The following FHIT variants were observed in gnomAD, a reference collection of about 807,000 sequenced individuals.
FHIT encodes bis(5'-adenosyl)-triphosphatase.
A neutral mutation model predicts 17.9 loss-of-function variants in FHIT; 19 were observed. That is an observed-to-expected ratio of 1.06 (90% confidence interval 0.74 to 1.56). FHIT has a LOEUF of 1.56. Ranked by LOEUF, FHIT falls within the 40% of genes most tolerant of loss-of-function variation. The pLI is 0.00. For synonymous variants in FHIT, 81 were observed against 69.7 expected, an observed-to-expected ratio of 1.16 and a Z score of -0.81; for missense variants, 248 against 189.2, an observed-to-expected ratio of 1.31 and a Z score of -1.82.
chr3:60,298,107 A>G (rs573732147), intron 5 of FHIT, among the ~76,000 whole-genome samples: 1 of 152,164 alleles, frequency 6.6e-6, no homozygotes, highest in Admixed American at 6.5e-5. Context: ...TGCCCTCTCT[A>G]CGAGCACCAC....
chr3:61,232,408 A>G (rs1293768486), intron 1 of FHIT, among the ~76,000 whole-genome samples: 2 of 152,160 alleles, frequency 1.3e-5, no homozygotes, highest in African/African-American at 4.8e-5. Context: ...GAAAAAACGT[A>G]TTCCATAAAC....
At chr3:60,258,852 G>A (rs906474722) in intron 5 of FHIT, among the ~76,000 whole-genome samples, 2 of 152,052 alleles carry the variant, frequency 1.3e-5, no homozygotes, top group African/African-American at 2.4e-5. Context: ...AGGCCTGTTT[G>A]CTAAATCTTC....
intron 5 of FHIT, among the ~76,000 whole-genome samples, chr3:60,136,734 C>G (rs1023974441): frequency 6.6e-6 from 1 of 152,128 alleles, no homozygotes; most frequent in African/African-American, 2.4e-5. Context: ...CATCAGCCCA[C>G]GAAATGAGTT....
chr3:61,214,811 G>A (rs2039618019), intron 1 of FHIT, among the ~76,000 whole-genome samples: 1 of 152,174 alleles, frequency 6.6e-6, no homozygotes, highest in Admixed American at 6.5e-5. Flanking sequence ...TATCCACCAT[G>A]ATCAAGTGGG....
At chr3:60,149,922 G>A (rs1414523591) in intron 5 of FHIT, among the ~76,000 whole-genome samples, 3 of 150,722 alleles carry the variant, frequency 2.0e-5, no homozygotes, top group East Asian at 2.0e-4. Context: ...AATGTCTTCT[G>A]CTGGAGCTTC....
intron 5 of FHIT, among the ~76,000 whole-genome samples, chr3:60,271,340 T>G (rs1576399502): frequency 6.6e-6 from 1 of 151,990 alleles, no homozygotes; most frequent in South Asian, 2.1e-4. Context: ...GAGGCAGAGG[T>G]TGCAGTGAGC....
chr3:60,873,589 T>G (rs1704513786), intron 3 of FHIT, among the ~76,000 whole-genome samples: 1 of 152,170 alleles, frequency 6.6e-6, no homozygotes, highest in Non-Finnish European at 1.5e-5. Context: ...CCAAGCTGCC[T>G]CTATCTGATG....
At chr3:60,831,884 G>A (rs2736753) in intron 3 of FHIT, among the ~76,000 whole-genome samples, 28,407 of 151,894 alleles carry the variant, frequency 0.19, 2,863 homozygotes, top group Middle Eastern at 0.28. Flanking sequence ...GCTTCTTTCA[G>A]CAATAGGGCG....
intron 5 of FHIT, among the ~76,000 whole-genome samples, chr3:60,116,064 C>G (rs995970273): frequency 3.3e-5 from 5 of 152,136 alleles, no homozygotes; most frequent in Non-Finnish European, 7.4e-5. Flanking sequence ...GTCATGAACA[C>G]TCATTCCCTA....
chr3:61,017,044 T>C (rs901799024), intron 3 of FHIT, among the ~76,000 whole-genome samples: 1 of 152,190 alleles, frequency 6.6e-6, no homozygotes, highest in Non-Finnish European at 1.5e-5. Flanking sequence ...CCCAGCACTT[T>C]GGGAGGCCGA....
At chr3:60,977,320 G>C (rs1710301394) in intron 3 of FHIT, among the ~76,000 whole-genome samples, 1 of 152,148 alleles carries the variant, frequency 6.6e-6, no homozygotes, top group South Asian at 2.1e-4. Context: ...ACCAAAATGA[G>C]CCACTCTGAA....
At chr3:60,909,186 T>G (rs534693862) in intron 3 of FHIT, among the ~76,000 whole-genome samples, 1 of 151,942 alleles carries the variant, frequency 6.6e-6, no homozygotes, top group Admixed American at 6.6e-5. Flanking sequence ...CTGCCCAACA[T>G]GGTGAAACTC....
chr3:60,757,863 A>C (rs577270676), intron 4 of FHIT, among the ~76,000 whole-genome samples: 4 of 152,276 alleles, frequency 2.6e-5, no homozygotes, highest in Admixed American at 1.3e-4. Context: ...ATAGAAGTGG[A>C]AGACTAGTCT....
chr3:60,639,475 A>G (rs1162541566), intron 4 of FHIT, among the ~76,000 whole-genome samples: 2 of 152,170 alleles, frequency 1.3e-5, no homozygotes, highest in African/African-American at 4.8e-5. Flanking sequence ...TGCAATTTAG[A>G]AGACACTAAG....
At chr3:60,963,759 C>T (rs1227335085) in intron 3 of FHIT, among the ~76,000 whole-genome samples, 1 of 152,136 alleles carries the variant, frequency 6.6e-6, no homozygotes, top group Non-Finnish European at 1.5e-5. Flanking sequence ...GTTTCTTAAT[C>T]CTCAGTTCTT....
chr3:60,717,460 T>A (rs571355053), intron 4 of FHIT, among the ~76,000 whole-genome samples: 18 of 152,224 alleles, frequency 1.2e-4, no homozygotes, highest in Non-Finnish European at 1.8e-4. Flanking sequence ...TATACCTTAA[T>A]AAAGGTGGGG....
At chr3:60,168,504 A>G (rs1701279521) in intron 5 of FHIT, among the ~76,000 whole-genome samples, 1 of 152,118 alleles carries the variant, frequency 6.6e-6, no homozygotes, top group African/African-American at 2.4e-5. Flanking sequence ...CCCTCTCCAA[A>G]TGATCTTGGA....
intron 8 of FHIT, among the ~76,000 whole-genome samples, chr3:59,842,107 G>C (rs1330817155): frequency 2.0e-5 from 3 of 151,944 alleles, no homozygotes; most frequent in Non-Finnish European, 2.9e-5. Context: ...TCTACTTTCT[G>C]TCCATGAGGG....
chr3:60,606,265 G>A lies in FHIT; in HGVS notation c.-17-69286C>T, dbSNP rs372777247. Among the ~76,000 whole-genome samples the A allele has an allele frequency of 2.0e-5, 3 of 150,106 alleles. No individual in the cohort carries two copies. The East Asian group carries it at 5.9e-4, about 29-fold the overall frequency. ...TAGCATTTTTTTTTTTTTTGAGATG[G>A]AGTCTCGTTCTGTCACCCAGGCTGG... is the stretch of plus-strand genomic sequence containing the variant. On this transcript the variant is annotated intron_variant, in intron 4 of 9. Transcript: ENST00000492590.
Sources: gnomAD v4.1 joint callset for allele counts (sites outside exome capture counted in the v4.1 genomes callset) on GRCh38, gnomAD v4.1.1 for gene constraint, MANE v1.5 for transcripts, NCBI Gene and HGNC (gene_info 2026-07-23, HGNC 2026-07-21) for gene names.